Variants in SUGCT observed in about 807,000 individuals in gnomAD.
SUGCT encodes succinyl-CoA:glutarate-CoA transferase.
SUGCT carries 41 observed loss-of-function variants against 55.0 expected under a neutral mutation model. The ratio of observed to expected loss-of-function variants is 0.74; its 90% CI spans 0.58 to 0.97. The LOEUF (loss-of-function observed/expected upper bound fraction) is 0.97. Ranked by LOEUF, SUGCT falls within the 50% of genes least tolerant of loss-of-function variation. The pLI is 0.00. For synonymous variants in SUGCT, 187 were observed against 200.4 expected, an observed-to-expected ratio of 0.93 and a Z score of 0.56; for missense variants, 568 against 547.8, an observed-to-expected ratio of 1.04 and a Z score of -0.37.
chr7:40,699,986 G>A (rs1371854337), intron 12 of SUGCT, among the ~76,000 whole-genome samples: 2 of 139,060 alleles, frequency 1.4e-5, no homozygotes, highest in East Asian at 2.1e-4. Context: ...GAGCCTTCCT[G>A]AAACTTTTTT....
chr7:40,403,687 C>A (rs1177212244), intron 9 of SUGCT, among the ~76,000 whole-genome samples: 5 of 152,146 alleles, frequency 3.3e-5, no homozygotes, highest in Admixed American at 3.3e-4. Context: ...CTGAGGCTGC[C>A]ATATCTCTGC....
chr7:40,895,323 G>A, the SUGCT span, among the ~76,000 whole-genome samples: 1 of 152,026 alleles, frequency 6.6e-6, no homozygotes, highest in East Asian at 1.9e-4. Context: ...GGTGGAGGGT[G>A]GGAGGAGGGA....
intron 9 of SUGCT, among the ~76,000 whole-genome samples, chr7:40,416,223 G>A (rs1041994090): frequency 1.3e-5 from 2 of 151,546 alleles, no homozygotes; most frequent in Admixed American, 6.6e-5. Flanking sequence ...TCTTGTTTTT[G>A]TTAGATATAA....
intron 13 of SUGCT, among the ~76,000 whole-genome samples, chr7:40,843,454 G>A (rs186648627): frequency 1.4e-5 from 2 of 144,376 alleles, no homozygotes; most frequent in Non-Finnish European, 3.0e-5. Flanking sequence ...AGGTTGCAAT[G>A]AGCTGAGATC....
chr7:40,603,315 T>C (rs899411759), intron 12 of SUGCT, among the ~76,000 whole-genome samples: 1 of 152,220 alleles, frequency 6.6e-6, no homozygotes, highest in Non-Finnish European at 1.5e-5. Flanking sequence ...GTGCTTTCTT[T>C]GGTATTCTTG....
intron 12 of SUGCT, among the ~76,000 whole-genome samples, chr7:40,618,174 T>C (rs1176547824): frequency 1.3e-5 from 2 of 152,238 alleles, no homozygotes; most frequent in East Asian, 3.8e-4. Flanking sequence ...TCAATTCTTA[T>C]TTTGTTAGAG....
At chr7:40,403,066 T>C (rs950890871) in intron 9 of SUGCT, among the ~76,000 whole-genome samples, 1 of 152,238 alleles carries the variant, frequency 6.6e-6, no homozygotes, top group African/African-American at 2.4e-5. Context: ...TTTTAAACTG[T>C]ACCCTTATTC....
At chr7:40,933,517 CT>C in the SUGCT span, among the ~76,000 whole-genome samples, 90 of 152,276 alleles carry the variant, frequency 5.9e-4, no homozygotes, top group Middle Eastern at 3.4e-3. Flanking sequence ...GGATAATATC[CT>C]GAAGAGTGTT....
the SUGCT span, among the ~76,000 whole-genome samples, chr7:40,932,516 C>G: frequency 6.6e-6 from 1 of 152,154 alleles, no homozygotes. Context: ...CTAATACTGA[C>G]AGTGGAGTGT....
At chr7:40,531,999 A>T (rs1794124621) in intron 12 of SUGCT, among the ~76,000 whole-genome samples, 2 of 152,214 alleles carry the variant, frequency 1.3e-5, no homozygotes, top group South Asian at 4.1e-4. Context: ...CATTCAAAAA[A>T]TATGTTTCTG....
chr7:40,651,468 G>T (rs897159954), intron 12 of SUGCT, among the ~76,000 whole-genome samples: 1 of 150,754 alleles, frequency 6.6e-6, no homozygotes, highest in Non-Finnish European at 1.5e-5. Context: ...TAAATTCCTT[G>T]TAGATTCTGG....
chr7:40,461,594 C>T (rs747730080), intron 11 of SUGCT, among the ~76,000 whole-genome samples: 4 of 152,140 alleles, frequency 2.6e-5, no homozygotes, highest in African/African-American at 4.8e-5. Context: ...ATGCCTTGTC[C>T]GTTGCCATTG....
the SUGCT span, among the ~76,000 whole-genome samples, chr7:40,929,787 T>C: frequency 1.3e-5 from 2 of 152,204 alleles, no homozygotes; most frequent in South Asian, 4.1e-4. Context: ...TTCTTGTAAA[T>C]TTGTTTAAGT....
the SUGCT span, chr7:40,966,921 T>C: frequency 6.6e-6 from 1 of 152,262 alleles, no homozygotes; most frequent in Non-Finnish European, 1.5e-5. Flanking sequence ...GTTGTTTCAA[T>C]GAACCCAGAG....
At chr7:40,470,141 G>A (rs925680985) in intron 11 of SUGCT, among the ~76,000 whole-genome samples, 3 of 151,952 alleles carry the variant, frequency 2.0e-5, no homozygotes, top group African/African-American at 4.8e-5. Context: ...ACCTTATTTC[G>A]CTCTTGACTT....
At chr7:40,654,729 G>A (rs978895029) in intron 12 of SUGCT, among the ~76,000 whole-genome samples, 4 of 152,122 alleles carry the variant, frequency 2.6e-5, no homozygotes, top group African/African-American at 9.7e-5. Flanking sequence ...TTGGATAATT[G>A]TGATGCCTTG....
At chr7:40,446,625 G>T (rs1013954619) in intron 9 of SUGCT, among the ~76,000 whole-genome samples, 5 of 152,102 alleles carry the variant, frequency 3.3e-5, no homozygotes, top group Admixed American at 3.3e-4. Flanking sequence ...TTTTTATAAT[G>T]TATTTCTTGG....
intron 12 of SUGCT, among the ~76,000 whole-genome samples, chr7:40,614,273 A>G (rs1798895985): frequency 6.6e-6 from 1 of 152,174 alleles, no homozygotes; most frequent in South Asian, 2.1e-4. Flanking sequence ...TCTGTTCTGT[A>G]TAAAGCAAGT....
At chr7:40,539,938 T>G (rs1473332813) in intron 12 of SUGCT, among the ~76,000 whole-genome samples, 2 of 152,200 alleles carry the variant, frequency 1.3e-5, no homozygotes, top group Non-Finnish European at 2.9e-5. Flanking sequence ...ACATCAAATT[T>G]TTATAGTATA....
Sources: gnomAD v4.1 joint callset for allele counts (sites outside exome capture counted in the v4.1 genomes callset) on GRCh38, gnomAD v4.1.1 for gene constraint, MANE v1.5 for transcripts, NCBI Gene and HGNC (gene_info 2026-07-23, HGNC 2026-07-21) for gene names.